The following PARD3B variants were observed in gnomAD, a reference collection of about 807,000 sequenced individuals.
PARD3B encodes the protein par-3 family cell polarity regulator beta.
In PARD3B, 103 loss-of-function variants were observed where a neutral mutation model predicts 130.2. That is an observed-to-expected ratio of 0.79 (90% CI 0.67 to 0.93). PARD3B has a LOEUF of 0.93. Ranked by LOEUF, PARD3B falls within the 40% of genes least tolerant of loss-of-function variation. The probability of loss-of-function intolerance (pLI) is 0.00; values close to 1 mark genes in which losing one functional copy is unlikely to be tolerated. For synonymous variants in PARD3B, 583 were observed against 553.2 expected (o/e 1.05, Z -0.76); for missense variants, 1,609 against 1,499.2 (o/e 1.07, Z -1.21).
intron 15 of PARD3B, among the ~76,000 whole-genome samples, chr2:205,243,035 A>T (rs13391789): frequency 6.6e-6 from 1 of 151,910 alleles, no homozygotes. Context: ...GCATGGTGGC[A>T]CATGCCTGTA....
chr2:205,429,040 C>G (rs1442722908), intron 19 of PARD3B, among the ~76,000 whole-genome samples: 1 of 152,022 alleles, frequency 6.6e-6, no homozygotes, highest in Non-Finnish European at 1.5e-5. Context: ...AAAGGTTAAG[C>G]CAGAAGAACG....
chr2:204,971,836 T>A (rs1467527397), intron 3 of PARD3B, among the ~76,000 whole-genome samples: 1 of 60,148 alleles, frequency 1.7e-5, no homozygotes, highest in Non-Finnish European at 2.9e-5. Context: ...TTGTTTTAAT[T>A]TTTTTTTTTT....
intron 2 of PARD3B, among the ~76,000 whole-genome samples, chr2:204,874,684 C>T (rs912381902): frequency 1.3e-5 from 2 of 152,160 alleles, no homozygotes; most frequent in Non-Finnish European, 2.9e-5. Flanking sequence ...ACCACTCCAA[C>T]AGAGACGTAG....
intron 3 of PARD3B, among the ~76,000 whole-genome samples, chr2:204,972,893 A>C (rs1041534043): frequency 7.9e-5 from 12 of 152,190 alleles, no homozygotes; most frequent in Admixed American, 3.3e-4. Flanking sequence ...TTTTAATAGT[A>C]AGTCCAGTGA....
intron 21 of PARD3B, among the ~76,000 whole-genome samples, chr2:205,504,139 G>T (rs191330145): frequency 1.3e-3 from 200 of 152,240 alleles, no homozygotes; most frequent in African/African-American, 4.6e-3. Flanking sequence ...ACAAGAAATG[G>T]GGAAATAATT....
chr2:205,380,176 A>T (rs1224743401), intron 18 of PARD3B, among the ~76,000 whole-genome samples: 1 of 35,932 alleles, frequency 2.8e-5, no homozygotes, highest in African/African-American at 5.2e-5. Context: ...ATATTATATA[A>T]TATGTAAAGA....
At chr2:204,615,020 A>G (rs2034059440) in intron 1 of PARD3B, among the ~76,000 whole-genome samples, 1 of 152,184 alleles carries the variant, frequency 6.6e-6, no homozygotes, top group African/African-American at 2.4e-5. Flanking sequence ...GAATTTATTA[A>G]GAGTGGTGTT....
In PARD3B at chr2:205,541,537, C is replaced by T. The variant is rs185838844; in HGVS notation, c.3181-11787C>T. 2.0e-5 allele frequency among the ~76,000 whole-genome samples: 3 copies of T among 152,000 alleles called. No homozygotes were observed. The East Asian group carries it at 5.8e-4, about 30-fold the overall frequency. ...ATAATTTTTGTATTTTTAGTAGAGACGGGGTTTTGCCATGTTGGCCAGGCT... is the reference window on the plus strand; with the variant it reads ...ATAATTTTTGTATTTTTAGTAGAGATGGGGTTTTGCCATGTTGGCCAGGCT... On this transcript the variant is annotated intron_variant, in intron 21 of 22. Transcript: ENST00000406610.
At chr2:205,414,574 TTAAAG>T (rs1426625712) in intron 19 of PARD3B, among the ~76,000 whole-genome samples, 1 of 152,124 alleles carries the variant, frequency 6.6e-6, no homozygotes, top group Non-Finnish European at 1.5e-5. Flanking sequence ...TACCAGTTTT[TTAAAG>T]TAAAGAACAA....
intron 22 of PARD3B, among the ~76,000 whole-genome samples, chr2:205,607,097 C>A (rs905878782): frequency 1.3e-5 from 2 of 152,124 alleles, no homozygotes; most frequent in African/African-American, 4.8e-5. Flanking sequence ...ATAAAGGGCA[C>A]CAAGAAACTT....
chr2:205,149,874 A>G (rs1021446689), intron 10 of PARD3B, among the ~76,000 whole-genome samples: 1 of 152,152 alleles, frequency 6.6e-6, no homozygotes, highest in South Asian at 2.1e-4. Context: ...AGCTTGGGGA[A>G]GGGGGTACTG....
intron 2 of PARD3B, among the ~76,000 whole-genome samples, chr2:204,891,308 G>A (rs77688111): frequency 5.3e-5 from 8 of 151,512 alleles, no homozygotes; most frequent in African/African-American, 1.9e-4. Context: ...AGTAGTAATC[G>A]ATCTGATTAG....
chr2:204,649,568 C>G (rs1309042528), intron 1 of PARD3B, among the ~76,000 whole-genome samples: 1 of 151,784 alleles, frequency 6.6e-6, no homozygotes, highest in Non-Finnish European at 1.5e-5. Context: ...CACCCAGACA[C>G]ACAAAAAAAT....
Position 205,589,408 on chromosome 2 carries a change from C to T in PARD3B, c.3261-26048C>T, listed in dbSNP as rs936683941. 2.0e-5 allele frequency among the ~76,000 whole-genome samples: 3 copies of T among 152,168 alleles called. No homozygotes were observed. The highest frequency in any genetic ancestry group is 4.4e-5 in the Non-Finnish European group (3 of 68,040). ...CTCACCAAAATCAGGCTCTCCAAAC[C>T]TCTGTTCCCACGGCAACTCCAGATC... is the stretch of plus-strand genomic sequence containing the variant. On this transcript the variant is annotated intron_variant, in intron 22 of 22. Coordinates refer to ENST00000406610, the MANE Select transcript of PARD3B (RefSeq NM_001302769.2). The surrounding 1 kb of genome is among the most constrained non-coding windows in gnomAD (Gnocchi z 4.1).
At chr2:205,284,227 G>A (rs1338744920) in intron 16 of PARD3B, among the ~76,000 whole-genome samples, 1 of 152,248 alleles carries the variant, frequency 6.6e-6, no homozygotes, top group East Asian at 1.9e-4. Context: ...GCTTAATTCT[G>A]TTACTTCATG....
chr2:205,493,254 T>C (rs998765940), intron 20 of PARD3B, among the ~76,000 whole-genome samples: 1 of 152,114 alleles, frequency 6.6e-6, no homozygotes. Flanking sequence ...TATGGTACTG[T>C]TAAGTTTTAA....
chr2:204,604,072 T>A (rs2033616688), intron 1 of PARD3B, among the ~76,000 whole-genome samples: 1 of 152,194 alleles, frequency 6.6e-6, no homozygotes, highest in Admixed American at 6.6e-5. Flanking sequence ...TAATATGTGA[T>A]GAGGCTGAGA....
At chr2:205,346,840 C>T (rs2043810628) in intron 18 of PARD3B, among the ~76,000 whole-genome samples, 1 of 152,188 alleles carries the variant, frequency 6.6e-6, no homozygotes, top group Non-Finnish European at 1.5e-5. Flanking sequence ...CTTCACAGCT[C>T]TCACCCATTA....
chr2:204,650,963 A>C (rs765292941), intron 1 of PARD3B, among the ~76,000 whole-genome samples: 2 of 152,138 alleles, frequency 1.3e-5, no homozygotes, highest in Non-Finnish European at 2.9e-5. Flanking sequence ...CTCACACACT[A>C]TCATGAGAAC....
Sources: allele counts gnomAD v4.1 joint callset (sites outside exome capture counted in the v4.1 genomes callset), GRCh38; gene constraint gnomAD v4.1.1; non-coding constraint Gnocchi (gnomAD v3.1); transcripts MANE v1.5; gene names NCBI Gene and HGNC (gene_info 2026-07-23, HGNC 2026-07-21).